The following FYB1 variants were observed in gnomAD, a reference collection of about 807,000 sequenced individuals.
FYB1 encodes the protein FYN-binding protein 1.
Under a neutral mutation model 94.1 loss-of-function variants are expected in FYB1, and 41 were observed. The ratio of observed to expected loss-of-function variants is 0.44; its 90% confidence interval spans 0.34 to 0.57. The LOEUF is 0.57. FYB1 is among the 20% of genes least tolerant of loss of function. The probability of loss-of-function intolerance (pLI) is 0.02; values close to 1 mark genes in which losing one functional copy is unlikely to be tolerated. For missense variants in FYB1, 1,050 were observed against 976.8 expected (o/e 1.07, Z -1.00); for synonymous variants, 367 against 353.2 (o/e 1.04, Z -0.44).
At chr5:39,188,607 C>T (rs934241412) in intron 2 of FYB1, among the ~76,000 whole-genome samples, 3 of 139,570 alleles carry the variant, frequency 2.1e-5, no homozygotes, top group Non-Finnish European at 1.5e-5. Context: ...TGCAATTGTG[C>T]GATCTTGGCT....
At chr5:39,271,202 C>T (rs1287174267) in intron 1 of FYB1, among the ~76,000 whole-genome samples, 1 of 151,896 alleles carries the variant, frequency 6.6e-6, no homozygotes, top group Non-Finnish European at 1.5e-5. Context: ...ATGAAGGAAA[C>T]ACTCATAAGC....
At chr5:39,171,058 C>G (rs923203003) in intron 2 of FYB1, among the ~76,000 whole-genome samples, 16 of 152,018 alleles carry the variant, frequency 1.1e-4, no homozygotes, top group African/African-American at 3.6e-4. Flanking sequence ...GAGGCTGAGG[C>G]GGAGGGGTGA....
At chr5:39,194,386 C>T (rs540795027) in intron 2 of FYB1, among the ~76,000 whole-genome samples, 16 of 152,038 alleles carry the variant, frequency 1.1e-4, no homozygotes, top group African/African-American at 3.1e-4. Context: ...TAAAGCTGGA[C>T]GTGGTAATAT....
intron 2 of FYB1, among the ~76,000 whole-genome samples, chr5:39,195,077 G>A (rs964162995): frequency 6.6e-6 from 1 of 152,156 alleles, no homozygotes; most frequent in Non-Finnish European, 1.5e-5. Context: ...GTGTATGAGA[G>A]AGCTTTGCCT....
At chr5:39,130,523 G>A in intron 10 of FYB1, 67 bp downstream of exon 10, 8 of 1,243,308 alleles carry the variant, frequency 6.4e-6, no homozygotes, top group Non-Finnish European at 9.2e-6. Flanking sequence ...TAACACATGT[G>A]CTCCATAAAT....
intron 1 of FYB1, among the ~76,000 whole-genome samples, chr5:39,271,625 A>T (rs1752666362): frequency 1.3e-5 from 2 of 152,204 alleles, no homozygotes; most frequent in South Asian, 4.1e-4. Context: ...TTTTCAAAAA[A>T]GATGTTACCT....
chr5:39,269,292 G>T (rs149795381), intron 1 of FYB1, among the ~76,000 whole-genome samples: 1 of 152,018 alleles, frequency 6.6e-6, no homozygotes, highest in African/African-American at 2.4e-5. Flanking sequence ...CTCGTGATCC[G>T]CCTGCCTCGG....
chr5:39,242,051 G>C (rs1016429814), intron 1 of FYB1, among the ~76,000 whole-genome samples: 1 of 152,066 alleles, frequency 6.6e-6, no homozygotes, highest in Admixed American at 6.5e-5. Flanking sequence ...TCCAGGAACT[G>C]TTAAATCACT....
chr5:39,122,257 A>C (rs944447492), intron 14 of FYB1, 79 bp downstream of exon 14: 19 of 901,540 alleles, frequency 2.1e-5, no homozygotes, highest in Non-Finnish European at 3.0e-5. Context: ...CACACATCCC[A>C]CTGGGTTTTT....
At chr5:39,261,496 C>T (rs998982694) in intron 1 of FYB1, among the ~76,000 whole-genome samples, 7 of 152,086 alleles carry the variant, frequency 4.6e-5, no homozygotes, top group African/African-American at 1.4e-4. Context: ...CCTGTACTCC[C>T]AGCACTTTGG....
At chr5:39,273,209 AG>A (rs1462317690) in intron 1 of FYB1, among the ~76,000 whole-genome samples, 1 of 152,230 alleles carries the variant, frequency 6.6e-6, no homozygotes, top group Non-Finnish European at 1.5e-5. Flanking sequence ...AAAGGGGAAA[AG>A]GTGGGGAAAA....
intron 1 of FYB1, among the ~76,000 whole-genome samples, chr5:39,205,267 C>G (rs958167725): frequency 2.6e-5 from 4 of 152,126 alleles, no homozygotes; most frequent in Non-Finnish European, 5.9e-5. Context: ...ACTTAGGAAC[C>G]AGGTGGCCTG....
intron 17 of FYB1, among the ~76,000 whole-genome samples, chr5:39,108,479 A>G (rs1329850814): frequency 6.6e-6 from 1 of 152,096 alleles, no homozygotes; most frequent in Admixed American, 6.6e-5. Context: ...CAGAATAATT[A>G]AAACATGCTT....
At chr5:39,110,962 T>G (rs1739023496) in intron 16 of FYB1, among the ~76,000 whole-genome samples, 1 of 152,008 alleles carries the variant, frequency 6.6e-6, no homozygotes, top group Non-Finnish European at 1.5e-5. Flanking sequence ...TGTTTTGCTA[T>G]TGGACAGTAT....
intron 3 of FYB1, among the ~76,000 whole-genome samples, chr5:39,149,219 C>T (rs1743034579): frequency 6.6e-6 from 1 of 152,186 alleles, no homozygotes; most frequent in Non-Finnish European, 1.5e-5. Flanking sequence ...CTTAAAACAT[C>T]CTGACCTGAA....
chr5:39,147,909 T>C (rs1742824014), intron 3 of FYB1, among the ~76,000 whole-genome samples: 1 of 150,588 alleles, frequency 6.6e-6, no homozygotes, highest in Admixed American at 6.6e-5. Flanking sequence ...CTCAATCTCC[T>C]GACCTTGTGA....
intron 2 of FYB1, among the ~76,000 whole-genome samples, chr5:39,153,950 A>T (rs1002688352): frequency 7.9e-5 from 12 of 151,934 alleles, no homozygotes; most frequent in South Asian, 2.1e-4. Flanking sequence ...AATTTTTTTT[A>T]AAATGTTATA....
chr5:39,167,382 T>G (rs1744836231), intron 2 of FYB1, among the ~76,000 whole-genome samples: 3 of 152,092 alleles, frequency 2.0e-5, no homozygotes, highest in Non-Finnish European at 4.4e-5. Context: ...TAAAGTAGAG[T>G]TTCAGATGAC....
At chr5:39,242,792 C>T (rs1341389846) in intron 1 of FYB1, among the ~76,000 whole-genome samples, 3 of 152,222 alleles carry the variant, frequency 2.0e-5, no homozygotes, top group African/African-American at 7.2e-5. Context: ...CACATCCTCT[C>T]CAGCACCTGC....
Sources: gnomAD v4.1 joint callset for allele counts (sites outside exome capture counted in the v4.1 genomes callset) on GRCh38, gnomAD v4.1.1 for gene constraint, MANE v1.5 for transcripts, NCBI Gene and HGNC (gene_info 2026-07-23, HGNC 2026-07-21) for gene names.